PPARGC1B: variants seen among roughly 807,000 people sequenced by gnomAD.
PPARGC1B encodes peroxisome proliferator-activated receptor gamma coactivator 1-beta.
PPARGC1B carries 34 observed loss-of-function variants against 101.6 expected under a neutral mutation model. That is an observed-to-expected ratio of 0.33 (90% confidence interval 0.25 to 0.45). PPARGC1B has a LOEUF of 0.45. Among genes scored for constraint, PPARGC1B ranks in the 20% least tolerant of loss-of-function variants. The pLI, the probability that PPARGC1B is intolerant of heterozygous loss-of-function variation, is 1.00. For synonymous variants in PPARGC1B, 548 were observed against 539.3 expected (o/e 1.02, Z -0.22); for missense variants, 1,234 against 1,317.6 (o/e 0.94, Z 0.98).
In PPARGC1B at chr5:149,852,363, C is replaced by G. The variant is rs1376985388; in HGVS notation, c.*4805C>G. On this transcript the variant is annotated 3_prime_UTR_variant, in exon 12 of 12. Transcript: ENST00000309241. ...ACCTCTGAGAGGCTCAGATCCCCAA[C>G]CAGGAGCATTGGGAATCCATCACTC... The G allele has an allele frequency of 6.6e-6, 1 of 152,188 alleles. No individual in the cohort carries two copies. Among genetic ancestry groups the G allele is most frequent in the African/African-American group, 2.4e-5 (1 of 41,436 alleles). 9.4% of individuals were successfully genotyped at this position (152,188 alleles called of 1,614,324 possible).
intron 2 of PPARGC1B, among the ~76,000 whole-genome samples, chr5:149,825,094 C>T (rs1442738198): frequency 1.3e-5 from 2 of 152,218 alleles, no homozygotes; most frequent in African/African-American, 2.4e-5. Context: ...CAGAACAGCC[C>T]GGGGACCAGG....
chr5:149,789,743 A>G (rs1007962897), intron 1 of PPARGC1B, among the ~76,000 whole-genome samples: 4 of 152,198 alleles, frequency 2.6e-5, no homozygotes, highest in African/African-American at 9.7e-5. Context: ...TCCCTTCTTG[A>G]TGGTACTTCT....
intron 1 of PPARGC1B, among the ~76,000 whole-genome samples, chr5:149,761,281 C>T (rs1034344867): frequency 1.2e-4 from 18 of 152,076 alleles, no homozygotes; most frequent in African/African-American, 2.2e-4. Flanking sequence ...GTGGTGAGAA[C>T]GTTTAAGATC....
chr5:149,847,213 C>G (rs1398699212), intron 11 of PPARGC1B: 8 of 637,126 alleles, frequency 1.3e-5, no homozygotes, highest in Non-Finnish European at 2.0e-5. Flanking sequence ...CTGGAGTGCT[C>G]TAGTTTGGGC....
At chr5:149,810,450 G>GCT (rs1757810685) in intron 1 of PPARGC1B, among the ~76,000 whole-genome samples, 1 of 152,174 alleles carries the variant, frequency 6.6e-6, no homozygotes, top group Non-Finnish European at 1.5e-5. Flanking sequence ...GGGAGTCTGG[G>GCT]CTCTGCACAG....
intron 1 of PPARGC1B, among the ~76,000 whole-genome samples, chr5:149,766,159 A>C (rs527885841): frequency 6.6e-6 from 1 of 152,222 alleles, no homozygotes; most frequent in African/African-American, 2.4e-5. Flanking sequence ...TTGCAGGTTT[A>C]GTGTTTTTAT....
chr5:149,819,566 G>C (rs938120255), intron 1 of PPARGC1B, among the ~76,000 whole-genome samples: 8 of 151,936 alleles, frequency 5.3e-5, no homozygotes, highest in Admixed American at 2.0e-4. Flanking sequence ...GCAGTGGCTC[G>C]ATCTCAGCTC....
chr5:149,763,671 TAGGTGCG>T (rs1267213389), intron 1 of PPARGC1B, among the ~76,000 whole-genome samples: 2 of 151,784 alleles, frequency 1.3e-5, no homozygotes, highest in African/African-American at 2.4e-5. Context: ...GCTGGGACTA[TAGGTGCG>T]TGCCACTGCA....
Position 149,833,901 on chromosome 5 carries a change from G to C in PPARGC1B, c.1705+123G>C. On this transcript the variant is annotated intron_variant, in intron 5 of 11. Transcript: ENST00000309241. This position sits in a 1 kb window ranked among gnomAD's most constrained non-coding sequence, Gnocchi z 4.1. ...CCCCAACAAAGTGTTATATGGGTTT[G>C]GACAAGTCCCTTCCCCTCCCTGGCT... 1 of 1,348,456 alleles carries C rather than the reference G, an allele frequency of 7.4e-7. No individual in the cohort carries two copies. Among genetic ancestry groups the C allele is most frequent in the Non-Finnish European group, 9.5e-7 (1 of 1,048,918 alleles). 83.5% of individuals were successfully genotyped at this position (1,348,456 alleles called of 1,614,324 possible).
intron 1 of PPARGC1B, among the ~76,000 whole-genome samples, chr5:149,794,601 C>T (rs1386296207): frequency 6.6e-6 from 1 of 152,150 alleles, no homozygotes; most frequent in Non-Finnish European, 1.5e-5. Flanking sequence ...ATGTGTTTGC[C>T]TCTAAAGGGC....
rs1759710668 is a variant in PPARGC1B, at chr5:149,850,000, C to G, written c.*2442C>G. 6.6e-6 allele frequency: 1 copy of G among 152,234 alleles called. No individual in the cohort carries two copies. Among genetic ancestry groups the G allele is most frequent in the Non-Finnish European group, 1.5e-5 (1 of 68,044 alleles). The allele number at this position is 152,234 out of a possible 1,614,324, so 9.4% of individuals were successfully genotyped here. On this transcript the variant is annotated 3_prime_UTR_variant, in exon 12 of 12. Coordinates refer to ENST00000309241, the MANE Select transcript of PPARGC1B (RefSeq NM_133263.4). ...AATTTAGATCTTTCTGCTGCCTCCACTAAGTTAAGTCCTGATTTACATCAA... is the reference window on the plus strand; with the variant it reads ...AATTTAGATCTTTCTGCTGCCTCCAGTAAGTTAAGTCCTGATTTACATCAA...
At chr5:149,739,741 A>G (rs1754847390) in intron 1 of PPARGC1B, among the ~76,000 whole-genome samples, 1 of 152,208 alleles carries the variant, frequency 6.6e-6, no homozygotes, top group South Asian at 2.1e-4. Flanking sequence ...CCACCCCTGG[A>G]CAGACTGCAT....
intron 11 of PPARGC1B, chr5:149,846,690 G>A (rs1759573329): frequency 6.6e-6 from 1 of 152,352 alleles, no homozygotes; most frequent in African/African-American, 2.4e-5. Context: ...CAGCCTTGAT[G>A]GTACAGGACT....
intron 1 of PPARGC1B, among the ~76,000 whole-genome samples, chr5:149,760,796 A>G (rs6895869): frequency 0.68 from 103,407 of 152,094 alleles, 35,154 homozygotes; most frequent in South Asian, 0.75. Flanking sequence ...GCCCCAAGGT[A>G]TAGCAGGTCC....
At chr5:149,855,915 G>A (rs1043764414), downstream of PPARGC1B, among the ~76,000 whole-genome samples, 5 of 152,104 alleles carry the variant, frequency 3.3e-5, no homozygotes, top group African/African-American at 7.2e-5. Context: ...TTAGGAGTTC[G>A]AGACTAGCCT....
chr5:149,757,349 T>G (rs1385060175), intron 1 of PPARGC1B, among the ~76,000 whole-genome samples: 14 of 48,524 alleles, frequency 2.9e-4, no homozygotes, highest in African/African-American at 1.0e-3. Flanking sequence ...TGTTTGAGCA[T>G]TTTTTTTTTT....
At chr5:149,734,043 C>T (rs1260588400) in intron 1 of PPARGC1B, among the ~76,000 whole-genome samples, 1 of 151,916 alleles carries the variant, frequency 6.6e-6, no homozygotes, top group Non-Finnish European at 1.5e-5. Flanking sequence ...ATGGAGTCGC[C>T]GGGCACGGTG....
At chr5:149,772,123 C>G (rs1467724461) in intron 1 of PPARGC1B, 1 of 1,597,022 alleles carries the variant, frequency 6.3e-7, no homozygotes, top group Admixed American at 1.7e-5. Context: ...CTTGGAGGAG[C>G]CGCCACCAGA....
intron 8 of PPARGC1B, among the ~76,000 whole-genome samples, chr5:149,838,631 G>C (rs577377816): frequency 8.9e-4 from 135 of 152,330 alleles, no homozygotes; most frequent in Admixed American, 1.7e-3. Context: ...AGAGGTGTTT[G>C]GGCTGGGCCT....
Sources: gnomAD v4.1 joint callset for allele counts (sites outside exome capture counted in the v4.1 genomes callset) on GRCh38, gnomAD v4.1.1 for gene constraint, Gnocchi (gnomAD v3.1) non-coding constraint, MANE v1.5 for transcripts, NCBI Gene and HGNC (gene_info 2026-07-23, HGNC 2026-07-21) for gene names.